The following FOXP1 variants were observed in gnomAD, a reference collection of about 807,000 sequenced individuals.
FOXP1 encodes the protein forkhead box P1.
In FOXP1, 15 loss-of-function variants were observed where a neutral mutation model predicts 98.2. That is an observed-to-expected ratio of 0.15 (90% CI 0.10 to 0.24). The LOEUF (loss-of-function observed/expected upper bound fraction) is 0.24, where lower values mean the gene tolerates loss of function less well. Ranked by LOEUF, FOXP1 falls within the 10% of genes least tolerant of loss-of-function variation. The pLI is 1.00. For synonymous variants in FOXP1, 371 were observed against 314.5 expected (o/e 1.18, Z -1.90); for missense variants, 633 against 848.5 (o/e 0.75, Z 3.15).
intron 5 of FOXP1, among the ~76,000 whole-genome samples, chr3:71,241,950 T>C (rs2106917617): frequency 6.6e-6 from 1 of 152,334 alleles, no homozygotes; most frequent in East Asian, 1.9e-4. Flanking sequence ...GACAGGTCTG[T>C]AGCAGAGGTA....
intron 3 of FOXP1, among the ~76,000 whole-genome samples, chr3:71,430,475 G>A (rs1335596535): frequency 1.3e-5 from 2 of 151,502 alleles, no homozygotes; most frequent in Non-Finnish European, 2.9e-5. Context: ...ATGCTTGTCT[G>A]TGATATGCAG....
In FOXP1 at chr3:70,972,440, G is replaced by C; in HGVS notation, c.1652+115C>G. 4.1e-6 allele frequency: 6 copies of C among 1,462,164 alleles called. No homozygotes were observed. In the Admixed American group the frequency reaches 1.0e-4, roughly 24 times the overall value. The allele number at this position is 1,462,164 out of a possible 1,614,324, so 90.6% of individuals were successfully genotyped here. A position where few individuals can be genotyped will look rare whatever the true frequency, so the allele number is the denominator to read the frequency against. The stretch of plus-strand genomic sequence containing the variant: ...AAATGCTTTTTTGCTTCCCTTAACT[G>C]AGACAACGTGAAACCAGTTCTTTGG... On this transcript the variant is annotated intron_variant, in intron 18 of 20. Coordinates refer to ENST00000649528, the MANE Select transcript of FOXP1 (RefSeq NM_001349338.3).
At chr3:71,434,654 G>GTA (rs969048729) in intron 3 of FOXP1, among the ~76,000 whole-genome samples, 37 of 151,938 alleles carry the variant, frequency 2.4e-4, no homozygotes, top group African/African-American at 8.9e-4. Flanking sequence ...GTGTGTGTGT[G>GTA]TGTGTGTGTG....
chr3:71,477,804 T>C (rs1000621422), intron 3 of FOXP1, among the ~76,000 whole-genome samples: 19 of 152,232 alleles, frequency 1.2e-4, no homozygotes, highest in African/African-American at 4.6e-4. Context: ...TATTGAAGAT[T>C]TGTATGCATA....
intron 5 of FOXP1, among the ~76,000 whole-genome samples, chr3:71,225,523 A>G (rs2065765007): frequency 2.8e-5 from 1 of 36,178 alleles, no homozygotes; most frequent in South Asian, 1.1e-3. Context: ...AGGAAGGAAA[A>G]AAATTTCTGA....
At chr3:71,224,251 C>A (rs944188920) in intron 5 of FOXP1, among the ~76,000 whole-genome samples, 3 of 152,070 alleles carry the variant, frequency 2.0e-5, no homozygotes, top group Non-Finnish European at 2.9e-5. Flanking sequence ...TGCTCAGTTA[C>A]GTCTAGGATG....
At chr3:71,277,465 G>C (rs186040117) in intron 5 of FOXP1, among the ~76,000 whole-genome samples, 35 of 151,974 alleles carry the variant, frequency 2.3e-4, no homozygotes, top group African/African-American at 8.4e-4. Flanking sequence ...TGCATCGCTG[G>C]ACAGTTTTAA....
chr3:71,163,545 C>G (rs563265445), intron 6 of FOXP1, among the ~76,000 whole-genome samples: 1 of 152,188 alleles, frequency 6.6e-6, no homozygotes, highest in East Asian at 1.9e-4. Flanking sequence ...TGCTCAGTGC[C>G]CAATCTCTGC....
chr3:71,561,594 G>T (rs1409892442), intron 2 of FOXP1, among the ~76,000 whole-genome samples: 1 of 152,134 alleles, frequency 6.6e-6, no homozygotes, highest in East Asian at 1.9e-4. Context: ...TCTCTTCCCT[G>T]TAAGGTTGCT....
intron 9 of FOXP1, among the ~76,000 whole-genome samples, chr3:71,048,489 C>T (rs1261587032): frequency 6.6e-6 from 1 of 152,136 alleles, no homozygotes; most frequent in East Asian, 1.9e-4. Context: ...TACCATGCCA[C>T]TGAGAAAGTT....
intron 12 of FOXP1, among the ~76,000 whole-genome samples, chr3:71,006,132 T>C (rs1300382639): frequency 1.3e-5 from 2 of 152,130 alleles, no homozygotes; most frequent in Non-Finnish European, 2.9e-5. Context: ...TGATGGACAC[T>C]TCTCTGTTTC....
chr3:71,140,459 T>C (rs1466630702), intron 6 of FOXP1, among the ~76,000 whole-genome samples: 2 of 152,230 alleles, frequency 1.3e-5, no homozygotes, highest in African/African-American at 4.8e-5. Context: ...GATTTCAACC[T>C]GCAACTTCCA....
intron 4 of FOXP1, among the ~76,000 whole-genome samples, chr3:71,315,998 C>T (rs190630175): frequency 6.6e-6 from 1 of 152,208 alleles, no homozygotes; most frequent in East Asian, 1.9e-4. Flanking sequence ...GAGACATTTC[C>T]ACACTTCCGT....
chr3:71,506,340 G>A (rs1442806716), intron 2 of FOXP1, among the ~76,000 whole-genome samples: 3 of 152,138 alleles, frequency 2.0e-5, no homozygotes, highest in Admixed American at 2.0e-4. Context: ...TGAAGATTAA[G>A]TGGGATAATG....
At chr3:70,972,778 C>T in intron 17 of FOXP1, 102 bp from the exon 18 acceptor site, 2 of 1,220,564 alleles carry the variant, frequency 1.6e-6, no homozygotes, top group South Asian at 1.3e-5. Context: ...TAAAACCATC[C>T]CCAAGAGCTG....
chr3:71,525,916 G>T (rs534821268), intron 2 of FOXP1, among the ~76,000 whole-genome samples: 1 of 152,168 alleles, frequency 6.6e-6, no homozygotes, highest in East Asian at 1.9e-4. Flanking sequence ...AGGAGTTCGA[G>T]ACCAGCCTGG....
At chr3:71,275,072 AT>A (rs2070754638) in intron 5 of FOXP1, among the ~76,000 whole-genome samples, 3 of 152,216 alleles carry the variant, frequency 2.0e-5, no homozygotes, top group Admixed American at 1.3e-4. Context: ...TTGTCTCTCT[AT>A]TCCAAAAATA....
chr3:71,023,784 T>C (rs971827961), intron 11 of FOXP1, among the ~76,000 whole-genome samples: 2 of 152,190 alleles, frequency 1.3e-5, no homozygotes, highest in Admixed American at 1.3e-4. Flanking sequence ...TGATTTGAAA[T>C]TACTAAATTT....
At chr3:71,272,073 A>G (rs1286758317) in intron 5 of FOXP1, among the ~76,000 whole-genome samples, 1 of 152,204 alleles carries the variant, frequency 6.6e-6, no homozygotes, top group Non-Finnish European at 1.5e-5. Flanking sequence ...AAAGAGTCTT[A>G]ATAGACAGGT....
Sources: allele counts gnomAD v4.1 joint callset (sites outside exome capture counted in the v4.1 genomes callset), GRCh38; gene constraint gnomAD v4.1.1; transcripts MANE v1.5; gene names NCBI Gene and HGNC (gene_info 2026-07-23, HGNC 2026-07-21).